The following ARHGAP6 variants were observed in gnomAD, a reference collection of about 807,000 sequenced individuals.
ARHGAP6 encodes the protein rho GTPase-activating protein 6.
Under a neutral mutation model 55.7 loss-of-function variants are expected in ARHGAP6, and 16 were observed. The ratio of observed to expected loss-of-function variants is 0.29; its 90% confidence interval spans 0.19 to 0.44. The LOEUF (loss-of-function observed/expected upper bound fraction) is 0.44. Ranked by LOEUF, ARHGAP6 falls within the 20% of genes least tolerant of loss-of-function variation. The probability of loss-of-function intolerance (pLI) is 1.00; values close to 1 mark genes in which losing one functional copy is unlikely to be tolerated. For synonymous variants in ARHGAP6, 382 were observed against 360.9 expected (o/e 1.06, Z -0.66); for missense variants, 698 against 808.9 (o/e 0.86, Z 1.66).
chrX:11,503,853 CACACACACAAAGAGACACACAT>C (rs113867189), intron 1 of ARHGAP6, among the ~76,000 whole-genome samples: 8,877 of 110,513 alleles, frequency 0.08, 407 homozygotes, highest in East Asian at 0.17. Flanking sequence ...CACACACACA[CACACACACAAAGAGACACACAT>C]ACACACACAC....
At chrX:11,615,171 A>G (rs1387861225) in intron 1 of ARHGAP6, among the ~76,000 whole-genome samples, 1 of 111,428 alleles carries the variant, frequency 9.0e-6, no homozygotes, top group African/African-American at 3.3e-5. Flanking sequence ...CAAAATGTCA[A>G]ACCAGTCCAT....
chrX:11,523,892 A>G (rs1296537439), intron 1 of ARHGAP6, among the ~76,000 whole-genome samples: 1 of 111,673 alleles, frequency 9.0e-6, no homozygotes. Context: ...AGGTTTTAGC[A>G]TCATACAGTC....
intron 1 of ARHGAP6, among the ~76,000 whole-genome samples, chrX:11,653,841 CTCTGAA>C (rs890885806): frequency 8.9e-6 from 1 of 111,845 alleles, no homozygotes; most frequent in African/African-American, 3.2e-5. Flanking sequence ...ATCTGCCTAC[CTCTGAA>C]TCTGAGTCTC....
At chrX:11,535,496 C>G (rs2051094525) in intron 1 of ARHGAP6, among the ~76,000 whole-genome samples, 2 of 112,192 alleles carry the variant, frequency 1.8e-5, no homozygotes, top group Non-Finnish European at 3.8e-5. Context: ...AAATAATGAG[C>G]CTTCTTGCTG....
At chrX:11,172,855 A>AT (rs991762623) in intron 8 of ARHGAP6, among the ~76,000 whole-genome samples, 20 of 111,536 alleles carry the variant, frequency 1.8e-4, no homozygotes, top group African/African-American at 6.5e-4. Context: ...CCATTACTTC[A>AT]TTTTTTAATT....
chrX:11,201,989 CTGTGTGTGTGTGTG>C (rs56023548), intron 2 of ARHGAP6, among the ~76,000 whole-genome samples: 3,183 of 65,513 alleles, frequency 0.049, 126 homozygotes, highest in African/African-American at 0.13. Context: ...GCATCTGGAT[CTGTGTGTGTGTGTG>C]TGTGTGTGTG....
At chrX:11,291,295 G>A (rs16986396) in intron 1 of ARHGAP6, among the ~76,000 whole-genome samples, 2,618 of 111,209 alleles carry the variant, frequency 0.024, 82 homozygotes, top group African/African-American at 0.08. Context: ...CTATGGAATC[G>A]GCCATCAAAG....
At chrX:11,495,610 A>G (rs1234206438) in intron 1 of ARHGAP6, among the ~76,000 whole-genome samples, 1 of 110,878 alleles carries the variant, frequency 9.0e-6, no homozygotes, top group Non-Finnish European at 1.9e-5. Flanking sequence ...TCCTGGAACC[A>G]TGCTCCAGGT....
At chrX:11,324,141 A>G (rs1029230586) in intron 1 of ARHGAP6, among the ~76,000 whole-genome samples, 7 of 112,109 alleles carry the variant, frequency 6.2e-5, no homozygotes, top group African/African-American at 2.3e-4. Context: ...GCTGCAGACA[A>G]GAGCAGAGCT....
At chrX:11,527,468 C>T (rs1481419572) in intron 1 of ARHGAP6, among the ~76,000 whole-genome samples, 1 of 111,073 alleles carries the variant, frequency 9.0e-6, no homozygotes, top group Non-Finnish European at 1.9e-5. Flanking sequence ...AAAAATTAGC[C>T]GGGTGTGGTG....
At chrX:11,429,862 T>C (rs2049924713) in intron 1 of ARHGAP6, among the ~76,000 whole-genome samples, 1 of 112,405 alleles carries the variant, frequency 8.9e-6, no homozygotes, top group South Asian at 3.7e-4. Context: ...CTTCACCATC[T>C]GGCATCTTTC....
chrX:11,243,827 T>C (rs1356458343), intron 2 of ARHGAP6, among the ~76,000 whole-genome samples: 1 of 112,311 alleles, frequency 8.9e-6, no homozygotes, highest in Non-Finnish European at 1.9e-5. Context: ...ACCATTGCAT[T>C]CCAATTACCT....
chrX:11,484,625 A>T (rs2147841342), intron 1 of ARHGAP6, among the ~76,000 whole-genome samples: 1 of 111,209 alleles, frequency 9.0e-6, no homozygotes, highest in African/African-American at 3.3e-5. Flanking sequence ...AAAGAGAAAA[A>T]GAAAATAAAT....
chrX:11,197,632 A>G (rs2046558382), intron 2 of ARHGAP6, among the ~76,000 whole-genome samples: 1 of 112,294 alleles, frequency 8.9e-6, no homozygotes, highest in Admixed American at 9.5e-5. Flanking sequence ...GTATAGCTAT[A>G]CTGCAATTTA....
intron 1 of ARHGAP6, among the ~76,000 whole-genome samples, chrX:11,621,833 T>G (rs2052234022): frequency 9.0e-6 from 1 of 111,356 alleles, no homozygotes; most frequent in Non-Finnish European, 1.9e-5. Flanking sequence ...TACAAATAAG[T>G]CCTACACCTA....
intron 1 of ARHGAP6, among the ~76,000 whole-genome samples, chrX:11,332,100 CAA>C (rs2048569194): frequency 9.0e-6 from 1 of 111,706 alleles, no homozygotes; most frequent in South Asian, 3.7e-4. Context: ...AGGTTTAGCT[CAA>C]GTGTGGTTCT....
chrX:11,391,848 G>T (rs1295613129), intron 1 of ARHGAP6, among the ~76,000 whole-genome samples: 1 of 111,583 alleles, frequency 9.0e-6, no homozygotes, highest in African/African-American at 3.3e-5. Context: ...GTGGGTCTGG[G>T]GTGTGCCTGA....
chrX:11,346,756 A>AAAGAAAGAAAGAAAGAAAGAAAGAAAGG (rs1569308846), intron 1 of ARHGAP6, among the ~76,000 whole-genome samples: 5 of 111,146 alleles, frequency 4.5e-5, no homozygotes, highest in African/African-American at 6.5e-5. Context: ...AGAAAGAAAG[A>AAAGAAAGAAAGAAAGAAAGAAAGAAAGG]GAGAAAGAAA....
intron 1 of ARHGAP6, chrX:11,294,867 G>A (rs778080525): frequency 8.3e-7 from 1 of 1,206,869 alleles, no homozygotes. Flanking sequence ...CCTTGCATAA[G>A]TCAGTGTCCA....
Sources: allele counts gnomAD v4.1 joint callset (sites outside exome capture counted in the v4.1 genomes callset), GRCh38; gene constraint gnomAD v4.1.1; transcripts MANE v1.5; gene names NCBI Gene and HGNC (gene_info 2026-07-23, HGNC 2026-07-21).